Variants in AMER1 observed in about 807,000 individuals in gnomAD.
The protein encoded by AMER1 is RP11-403E24.2.
A neutral mutation model predicts 53.0 loss-of-function variants in AMER1; 16 were observed. The ratio of observed to expected loss-of-function variants is 0.30; its 90% CI spans 0.20 to 0.46. AMER1 has a LOEUF of 0.46. Among genes scored for constraint, AMER1 ranks in the 20% least tolerant of loss-of-function variants. The probability of loss-of-function intolerance (pLI) is 1.00; values close to 1 mark genes in which losing one functional copy is unlikely to be tolerated. For missense variants in AMER1, 947 were observed against 884.9 expected, an observed-to-expected ratio of 1.07 and a Z score of -0.89; for synonymous variants, 354 against 331.9, an observed-to-expected ratio of 1.07 and a Z score of -0.73.
chrX:64,203,001 T>C (rs745445572), intron 1 of AMER1, among the ~76,000 whole-genome samples: 1 of 111,608 alleles, frequency 9.0e-6, no homozygotes, highest in South Asian at 3.8e-4. Context: ...TCACCCTGCC[T>C]GTCAATCACT....
Position 64,189,094 on chromosome X carries a change from G to A in AMER1, c.*785C>T. 4 of 791,363 alleles carry A rather than the reference G, an allele frequency of 5.1e-6. 1 individual carries two copies. The African/African-American group carries it at 8.1e-5, about 16-fold the overall frequency. 65.2% of individuals were successfully genotyped at this position (791,363 alleles called of 1,213,427 possible). A position where few individuals can be genotyped will look rare whatever the true frequency, so the allele number is the denominator to read the frequency against. On this transcript the variant is annotated 3_prime_UTR_variant, in exon 2 of 2. Coordinates refer to ENST00000374869, the MANE Select transcript of AMER1 (RefSeq NM_152424.4). The stretch of plus-strand genomic sequence containing the variant: ...CTCCATCAAGGGGATTAGCATTTTT[G>A]TCTTTAACCCAAGCTATGGCAGGAC...
intron 1 of AMER1, among the ~76,000 whole-genome samples, chrX:64,197,086 C>G (rs905097865): frequency 1.8e-5 from 2 of 112,759 alleles, no homozygotes; most frequent in Non-Finnish European, 3.8e-5. Context: ...AAAGGACAGA[C>G]TCTGCAGATC....
Position 64,189,793 on chromosome X carries a change from A to ACCGGGCCCCC in AMER1, c.*85_*86insGGGGGCCCGG. On this transcript the variant is annotated 3_prime_UTR_variant, in exon 2 of 2. Transcript: ENST00000374869. ...CAAAGGGTTTTCAAGTTAAACAACAACCCCCACCCCCCCACCCTTCTGCCC... is the reference window on the plus strand; with the variant it reads ...CAAAGGGTTTTCAAGTTAAACAACAACCGGGCCCCCCCCCCACCCCCCCACCCTTCTGCCC... The ACCGGGCCCCC allele has an allele frequency of 3.4e-6, 1 of 292,070 alleles. No individual in the cohort carries two copies. Among genetic ancestry groups the ACCGGGCCCCC allele is most frequent in the East Asian group, 1.7e-4 (1 of 5,960 alleles). 24.1% of individuals were successfully genotyped at this position (292,070 alleles called of 1,213,427 possible).
intron 1 of AMER1, among the ~76,000 whole-genome samples, chrX:64,198,686 G>A (rs1930426932): frequency 1.8e-5 from 2 of 111,215 alleles, no homozygotes; most frequent in Admixed American, 9.6e-5. Context: ...AGTCCTCACT[G>A]GTTGCCACTG....
At chrX:64,197,584 G>A (rs1211726258) in intron 1 of AMER1, among the ~76,000 whole-genome samples, 1 of 112,942 alleles carries the variant, frequency 8.9e-6, no homozygotes, top group Non-Finnish European at 1.9e-5. Flanking sequence ...GTGGATTTAT[G>A]CAGTAGCTCC....
chrX:64,189,793 A>ACGGGGGCCCCCCCCCCCCCC lies in AMER1; in HGVS notation c.*85_*86insGGGGGGGGGGGGGGCCCCCG. ...CAAAGGGTTTTCAAGTTAAACAACA[A>ACGGGGGCCCCCCCCCCCCCC]CCCCCACCCCCCCACCCTTCTGCCC... On this transcript the variant is annotated 3_prime_UTR_variant, in exon 2 of 2. Coordinates refer to ENST00000374869, the MANE Select transcript of AMER1 (RefSeq NM_152424.4). The ACGGGGGCCCCCCCCCCCCCC allele has an allele frequency of 3.4e-6, 1 of 292,067 alleles. No individual in the cohort carries two copies. Among genetic ancestry groups the ACGGGGGCCCCCCCCCCCCCC allele is most frequent in the Non-Finnish European group, 4.9e-6 (1 of 204,825 alleles). The allele number at this position is 292,067 out of a possible 1,213,427, so 24.1% of individuals were successfully genotyped here.
chrX:64,195,307 C>T (rs1037326960), intron 1 of AMER1, among the ~76,000 whole-genome samples: 1 of 111,934 alleles, frequency 8.9e-6, no homozygotes, highest in African/African-American at 3.3e-5. Flanking sequence ...CTAAGGTTAT[C>T]GTCACGGTGT....
Position 64,187,076 on chromosome X carries a change from G to T in AMER1, c.*2803C>A. 4 of 782,881 alleles carry T rather than the reference G, an allele frequency of 5.1e-6. No individual in the cohort carries two copies. Among genetic ancestry groups the T allele is most frequent in the Non-Finnish European group, 6.1e-6 (4 of 656,470 alleles). The allele number at this position is 782,881 out of a possible 1,213,427, so 64.5% of individuals were successfully genotyped here. On this transcript the variant is annotated 3_prime_UTR_variant, in exon 2 of 2. Transcript: ENST00000374869. ...TGGACATGATATCAACAGTTTTAGTGGTCTGGGGTGTATTTGCTGCCACCC... is the reference window on the plus strand; with the variant it reads ...TGGACATGATATCAACAGTTTTAGTTGTCTGGGGTGTATTTGCTGCCACCC...
In AMER1 at chrX:64,185,455, C is replaced by A. The variant is rs1390395167; in HGVS notation, c.*4424G>T. The stretch of plus-strand genomic sequence containing the variant: ...CCTGTTTTATTCCCCCCCACCCCCA[C>A]CCCCATATACAGCAGGAAAAATAAG... On this transcript the variant is annotated 3_prime_UTR_variant, in exon 2 of 2. Coordinates refer to ENST00000374869, the MANE Select transcript of AMER1 (RefSeq NM_152424.4). The A allele has an allele frequency of 1.3e-5, 2 of 158,083 alleles. No individual in the cohort carries two copies. 13.0% of individuals were successfully genotyped at this position (158,083 alleles called of 1,213,427 possible).
Position 64,189,993 on chromosome X carries a change from C to A in AMER1, c.3294G>T (p.Gln1098His), listed in dbSNP as rs1930205769. ...PRVRPEHPQP[Q>H]PTHYGPSSLD... The stretch of plus-strand genomic sequence containing the variant: ...GGCTGGAAGGCCCATAGTGAGTGGG[C>A]TGAGGCTGGGGGTGCTCAGGCCGGA... The change falls in exon 2 of 2, where the codon CAG (glutamine) becomes CAT (histidine). Residue 1098 changes from glutamine to histidine, a missense_variant. Physicochemically the swap from Gln to His is conservative, Grantham distance 24. Coordinates refer to ENST00000374869, the MANE Select transcript of AMER1 (RefSeq NM_152424.4). 8.3e-7 allele frequency: 1 copy of A among 1,207,772 alleles called. No homozygotes were observed. The highest frequency in any genetic ancestry group is 1.1e-6 in the Non-Finnish European group (1 of 893,535).
rs1424128199 is a variant in AMER1, at chrX:64,187,328, G to C, written c.*2551C>G. 1.3e-6 allele frequency: 1 copy of C among 790,050 alleles called. No homozygotes were observed. The highest frequency in any genetic ancestry group is 7.9e-5 in the East Asian group (1 of 12,709). The allele number at this position is 790,050 out of a possible 1,213,427, so 65.1% of individuals were successfully genotyped here. A position where few individuals can be genotyped will look rare whatever the true frequency, so the allele number is the denominator to read the frequency against. Reference sequence around the variant, plus strand: ...TTCAGGTGGTAAGGATCCTATTCCTGGGCTGGCTAGGGCAGTGAAGGGACT... The same window carrying C: ...TTCAGGTGGTAAGGATCCTATTCCTCGGCTGGCTAGGGCAGTGAAGGGACT... On this transcript the variant is annotated 3_prime_UTR_variant, in exon 2 of 2. Transcript: ENST00000374869.
chrX:64,197,811 T>C (rs1008573473), intron 1 of AMER1, among the ~76,000 whole-genome samples: 4 of 112,789 alleles, frequency 3.5e-5, no homozygotes, highest in African/African-American at 1.3e-4. Context: ...CCCATGTTTA[T>C]GCCTCAATTT....
rs1406787040 is a variant in AMER1, at chrX:64,186,336, C to T, written c.*3543G>A. ...TTTTGTTTAAAACTGTAAACAGCAC[C>T]GCTTAAAAATAAATCAGAAAAGAAC... is the stretch of plus-strand genomic sequence containing the variant. On this transcript the variant is annotated 3_prime_UTR_variant, in exon 2 of 2. Transcript: ENST00000374869. 6.3e-5 allele frequency: 61 copies of T among 963,061 alleles called. No homozygotes were observed. Among genetic ancestry groups the T allele is most frequent in the Non-Finnish European group, 7.7e-5 (59 of 767,574 alleles). 79.4% of individuals were successfully genotyped at this position (963,061 alleles called of 1,213,427 possible).
intron 1 of AMER1, among the ~76,000 whole-genome samples, chrX:64,203,989 C>A (rs1322185173): frequency 8.9e-6 from 1 of 112,130 alleles, no homozygotes; most frequent in Admixed American, 9.3e-5. Context: ...CCTCAAAGTG[C>A]CCAAGCTTTG....
chrX:64,190,096 G>A lies in AMER1; in HGVS notation c.3191C>T (p.Ser1064Phe), dbSNP rs761082647. The stretch of plus-strand genomic sequence containing the variant: ...TAGAGGGCTGGGGCTGAAGCCTCCA[G>A]AACTGGAAGAGCAACTGGGCTCATC... ...PVDEPSCSSS[S>F]GGFSPSPLPQ... is the part of the protein sequence containing the mutation. Residue 1064 changes from serine to phenylalanine, a missense_variant, in exon 2 of 2, where the codon TCT (serine) becomes TTT (phenylalanine). By Grantham distance (155) the Ser-to-Phe change is radical. Transcript: ENST00000374869. The A allele has an allele frequency of 1.7e-6, 2 of 1,205,893 alleles. No homozygotes were observed. The highest frequency in any genetic ancestry group is 2.2e-6 in the Non-Finnish European group (2 of 892,300).
chrX:64,201,119 C>A (rs1020152269), intron 1 of AMER1, among the ~76,000 whole-genome samples: 2 of 111,240 alleles, frequency 1.8e-5, no homozygotes, highest in African/African-American at 6.6e-5. Flanking sequence ...CTGCCTATGA[C>A]CACACCAAGC....
Position 64,191,349 on chromosome X carries a change from C to A in AMER1, c.1938G>T (p.Arg646=), listed in dbSNP as rs2147087108. 1 of 1,211,845 alleles carries A rather than the reference C, an allele frequency of 8.3e-7. No individual in the cohort carries two copies. Among genetic ancestry groups the A allele is most frequent in the East Asian group, 3.0e-5 (1 of 33,791 alleles). The part of the protein sequence containing the change: ...RETQVRETQA[R]QEKPVLEYQM... The stretch of plus-strand genomic sequence containing the variant: ...GATACTCTAAGACGGGCTTCTCCTG[C>A]CGGGCCTGGGTCTCTCGGACTTGAG... Residue 646 remains arginine, a synonymous_variant, in exon 2 of 2, where the codon CGG becomes CGT. Coordinates refer to ENST00000374869, the MANE Select transcript of AMER1 (RefSeq NM_152424.4).
rs1930244105 is a variant in AMER1, at chrX:64,191,507, G to A, written c.1780C>T (p.His594Tyr). 1.7e-6 allele frequency: 2 copies of A among 1,211,870 alleles called. No individual in the cohort carries two copies. Among genetic ancestry groups the A allele is most frequent in the Non-Finnish European group, 1.1e-6 (1 of 895,499 alleles). The change falls in exon 2 of 2, where the codon CAC becomes TAC. Residue 594 changes from histidine (H) to tyrosine (Y), a missense_variant. Physicochemically the swap from His to Tyr is moderately conservative, Grantham distance 83 (BLOSUM62 2). Transcript: ENST00000374869. ...TCTCGAGTATAGGCCTCCCTGGCGT[G>A]GGCCTCCCTGGCATGAGCTTCTCGG... is the stretch of plus-strand genomic sequence containing the variant. ...RAREAHAREA[H>Y]AREAYTREAY... is the part of the protein sequence containing the mutation.
intron 1 of AMER1, among the ~76,000 whole-genome samples, chrX:64,203,078 T>C (rs1294490083): frequency 8.9e-6 from 1 of 112,032 alleles, no homozygotes; most frequent in Non-Finnish European, 1.9e-5. Flanking sequence ...TCTGGCAGCT[T>C]CCATGGATGA....
Sources: gnomAD v4.1 joint callset for allele counts (sites outside exome capture counted in the v4.1 genomes callset) on GRCh38, gnomAD v4.1.1 for gene constraint, MANE v1.5 for transcripts, NCBI Gene and HGNC (gene_info 2026-07-23, HGNC 2026-07-21) for gene names.